Variants in SGCG observed in about 807,000 individuals in gnomAD.
The protein encoded by SGCG is sarcoglycan gamma.
Under a neutral mutation model 29.3 loss-of-function variants are expected in SGCG, and 26 were observed. The observed-to-expected ratio is 0.89, with a 90% CI of 0.65 to 1.23. SGCG has a LOEUF of 1.23. Ranked by LOEUF, SGCG falls within the 50% of genes most tolerant of loss-of-function variation. The pLI is 0.00. For missense variants in SGCG, 353 were observed against 356.0 expected (o/e 0.99, Z 0.07); for synonymous variants, 145 against 129.7 (o/e 1.12, Z -0.80).
upstream of SGCG, among the ~76,000 whole-genome samples, chr13:23,177,596 G>T (rs1305885665): frequency 2.2e-4 from 25 of 112,776 alleles, no homozygotes; most frequent in African/African-American, 9.3e-4. Context: ...TTTTGAGACA[G>T]AGTCTTGCTC....
At chr13:23,292,549 C>G (rs754014630) in intron 5 of SGCG, among the ~76,000 whole-genome samples, 2 of 152,168 alleles carry the variant, frequency 1.3e-5, no homozygotes, top group Non-Finnish European at 2.9e-5. Flanking sequence ...ACACTGTGCT[C>G]AAATAAAAAT....
chr13:23,162,036 T>C, the SGCG span, among the ~76,000 whole-genome samples: 1 of 152,252 alleles, frequency 6.6e-6, no homozygotes, highest in Non-Finnish European at 1.5e-5. Flanking sequence ...ATAGCCTAGC[T>C]AGTCTACATA....
chr13:23,316,338 A>G (rs1167039031), intron 6 of SGCG, among the ~76,000 whole-genome samples: 1 of 152,208 alleles, frequency 6.6e-6, no homozygotes, highest in Non-Finnish European at 1.5e-5. Flanking sequence ...TGCCTTATCC[A>G]CCATCATGGT....
At chr13:23,248,916 G>T (rs1879842688) in intron 3 of SGCG, among the ~76,000 whole-genome samples, 1 of 151,064 alleles carries the variant, frequency 6.6e-6, no homozygotes, top group East Asian at 2.0e-4. Flanking sequence ...GCGTGAACCC[G>T]GGAGGCGGAG....
At chr13:23,220,449 A>G (rs920861888) in intron 2 of SGCG, among the ~76,000 whole-genome samples, 6 of 152,192 alleles carry the variant, frequency 3.9e-5, no homozygotes, top group South Asian at 4.1e-4. Flanking sequence ...ACTCCATCCC[A>G]AAATAAATAA....
intron 2 of SGCG, among the ~76,000 whole-genome samples, chr13:23,204,429 G>A (rs1243089529): frequency 6.6e-6 from 1 of 151,962 alleles, no homozygotes; most frequent in Non-Finnish European, 1.5e-5. Flanking sequence ...TGTATTCTTT[G>A]ATAATATTTT....
intron 7 of SGCG, 37 bp downstream of exon 7, chr13:23,320,797 C>G (rs757534194): frequency 1.9e-6 from 3 of 1,596,242 alleles, no homozygotes; most frequent in Non-Finnish European, 2.6e-6. Flanking sequence ...TACTGTATGT[C>G]CTGATGATAT....
chr13:23,169,054 A>G, the SGCG span, among the ~76,000 whole-genome samples: 1 of 151,308 alleles, frequency 6.6e-6, no homozygotes, highest in Non-Finnish European at 1.5e-5. Context: ...TATATATATA[A>G]ATATATTTTT....
intron 6 of SGCG, among the ~76,000 whole-genome samples, chr13:23,308,566 A>C (rs1002898726): frequency 6.6e-6 from 1 of 151,482 alleles, no homozygotes; most frequent in Admixed American, 6.6e-5. Context: ...TTTATTTTTC[A>C]TGTAATTTTT....
chr13:23,165,531 T>TTC, the SGCG span, among the ~76,000 whole-genome samples: 2 of 151,594 alleles, frequency 1.3e-5, no homozygotes, highest in East Asian at 3.9e-4. Context: ...GGCAAACTTT[T>TTC]TTTTTTTTTT....
At chr13:23,260,636 A>G (rs573985160) in intron 4 of SGCG, among the ~76,000 whole-genome samples, 2 of 152,228 alleles carry the variant, frequency 1.3e-5, no homozygotes, top group South Asian at 2.1e-4. Context: ...GTTTCTTGCT[A>G]GCATCGATGG....
intron 3 of SGCG, among the ~76,000 whole-genome samples, chr13:23,235,501 T>A (rs1004894969): frequency 3.9e-5 from 6 of 152,262 alleles, no homozygotes; most frequent in African/African-American, 1.4e-4. Flanking sequence ...AATACTTATG[T>A]GACTTTAAAA....
intron 4 of SGCG, among the ~76,000 whole-genome samples, chr13:23,257,606 C>CAT (rs1184762882): frequency 3.3e-5 from 5 of 152,138 alleles, no homozygotes; most frequent in Non-Finnish European, 7.4e-5. Flanking sequence ...GTGTTTTAGT[C>CAT]ATGAAGTCCT....
Position 23,203,742 on chromosome 13 carries a change from G to A in SGCG, c.48G>A (p.Glu16=). ...CAGCCACAGAAGGCATCTGCATAGA[G>A]AGGCCAGAGAATCAGTATGTCTACA... ...YTTATEGICI[E]RPENQYVYKI... is the part of the protein sequence containing the mutation. The change falls in exon 2 of 8, where the codon GAG becomes GAA. Residue 16 remains glutamate (E), a synonymous_variant. Coordinates refer to ENST00000218867, the MANE Select transcript of SGCG (RefSeq NM_000231.3). 6.2e-7 allele frequency: 1 copy of A among 1,614,070 alleles called. No individual in the cohort carries two copies. Among genetic ancestry groups the A allele is most frequent in the South Asian group, 1.1e-5 (1 of 91,064 alleles).
At chr13:23,243,501 A>C (rs928375449) in intron 3 of SGCG, 2 of 152,276 alleles carry the variant, frequency 1.3e-5, no homozygotes, top group Non-Finnish European at 2.9e-5. Flanking sequence ...CTGAGAAAGC[A>C]GGCAACCCCT....
intron 1 of SGCG, among the ~76,000 whole-genome samples, chr13:23,181,407 A>T (rs1447654635): frequency 6.6e-6 from 1 of 152,226 alleles, no homozygotes; most frequent in Non-Finnish European, 1.5e-5. Context: ...ACAAAGTATT[A>T]TCTTTAAGAT....
intron 1 of SGCG, among the ~76,000 whole-genome samples, chr13:23,183,665 C>T (rs1876839804): frequency 6.6e-6 from 1 of 151,334 alleles, no homozygotes; most frequent in African/African-American, 2.5e-5. Context: ...AAAATATTCT[C>T]CCTTTATTTT....
chr13:23,297,933 C>T (rs1421332478), intron 6 of SGCG, among the ~76,000 whole-genome samples: 3 of 151,962 alleles, frequency 2.0e-5, no homozygotes, highest in East Asian at 2.0e-4. Flanking sequence ...TTAGTAGAGA[C>T]GGGGTTTCAT....
chr13:23,318,795 A>G (rs1052603971), intron 6 of SGCG, among the ~76,000 whole-genome samples: 3 of 152,196 alleles, frequency 2.0e-5, no homozygotes, highest in East Asian at 1.9e-4. Context: ...GCAGCGTCCC[A>G]TTATAACATG....
Sources: gnomAD v4.1 joint callset for allele counts (sites outside exome capture counted in the v4.1 genomes callset) on GRCh38, gnomAD v4.1.1 for gene constraint, MANE v1.5 for transcripts, NCBI Gene and HGNC (gene_info 2026-07-23, HGNC 2026-07-21) for gene names.